OPCML: variants seen among roughly 807,000 people sequenced by gnomAD.
OPCML encodes opioid-binding protein/cell adhesion molecule.
In OPCML, 13 loss-of-function variants were observed where a neutral mutation model predicts 37.8. The ratio of observed to expected loss-of-function variants is 0.34; its 90% confidence interval spans 0.22 to 0.55. The LOEUF is 0.55. Among genes scored for constraint, OPCML ranks in the 20% least tolerant of loss-of-function variants. OPCML has a pLI of 0.91. For missense variants in OPCML, 341 were observed against 435.6 expected (o/e 0.78, Z 1.93); for synonymous variants, 176 against 168.8 (o/e 1.04, Z -0.33).
chr11:132,530,238 C>T (rs150470093), intron 3 of OPCML, among the ~76,000 whole-genome samples: 2 of 152,138 alleles, frequency 1.3e-5, no homozygotes, highest in African/African-American at 4.8e-5. Context: ...GCCCATGTAC[C>T]CACAGCACTA....
chr11:133,133,501 C>T (rs1409294535), intron 1 of OPCML, among the ~76,000 whole-genome samples: 2 of 152,164 alleles, frequency 1.3e-5, no homozygotes, highest in Non-Finnish European at 2.9e-5. Context: ...CCTCTCCTTG[C>T]CCCCTGGGCA....
At chr11:132,855,863 C>T (rs1322609730) in intron 2 of OPCML, among the ~76,000 whole-genome samples, 2 of 152,232 alleles carry the variant, frequency 1.3e-5, no homozygotes, top group Non-Finnish European at 2.9e-5. Flanking sequence ...TCTCCTCAGC[C>T]TCGACACCTG....
chr11:132,809,572 G>T (rs376450953), intron 2 of OPCML, among the ~76,000 whole-genome samples: 2 of 151,964 alleles, frequency 1.3e-5, no homozygotes, highest in African/African-American at 2.4e-5. Context: ...GTTCCCCAGG[G>T]TTAATAAAAG....
chr11:133,147,584 G>A (rs1949915645), intron 1 of OPCML, among the ~76,000 whole-genome samples: 1 of 152,142 alleles, frequency 6.6e-6, no homozygotes, highest in African/African-American at 2.4e-5. Flanking sequence ...TGGGATCGAT[G>A]TTTTGGGAAT....
intron 2 of OPCML, among the ~76,000 whole-genome samples, chr11:132,723,195 A>C (rs1466170714): frequency 2.0e-5 from 3 of 152,252 alleles, no homozygotes; most frequent in African/African-American, 4.8e-5. Context: ...TTTCATATAA[A>C]AAACAACCAT....
chr11:133,120,394 C>A (rs1255353549), intron 1 of OPCML, among the ~76,000 whole-genome samples: 3 of 152,178 alleles, frequency 2.0e-5, no homozygotes, highest in Non-Finnish European at 2.9e-5. Flanking sequence ...AGCAGCATTG[C>A]CCTCATGGAG....
intron 2 of OPCML, among the ~76,000 whole-genome samples, chr11:132,917,870 C>G (rs919208998): frequency 6.6e-6 from 1 of 152,132 alleles, no homozygotes; most frequent in Non-Finnish European, 1.5e-5. Flanking sequence ...TACTTCTGCC[C>G]TGAAATGAAA....
At chr11:132,627,097 G>A (rs1004475844) in intron 3 of OPCML, among the ~76,000 whole-genome samples, 1 of 151,920 alleles carries the variant, frequency 6.6e-6, no homozygotes, top group African/African-American at 2.4e-5. Context: ...AGTAGCAAAC[G>A]AGAGGGAAAT....
chr11:133,390,719 T>G (rs1013156053), intron 1 of OPCML, among the ~76,000 whole-genome samples: 14 of 152,154 alleles, frequency 9.2e-5, no homozygotes, highest in African/African-American at 3.4e-4. Context: ...AGGAAGTCAC[T>G]CTAACAACTC....
intron 1 of OPCML, among the ~76,000 whole-genome samples, chr11:133,309,257 T>C (rs758822558): frequency 2.2e-4 from 34 of 152,306 alleles, no homozygotes; most frequent in Middle Eastern, 3.4e-3. Flanking sequence ...ACATCACCAG[T>C]GAGGAACACA....
At chr11:132,906,191 C>T (rs915745487) in intron 2 of OPCML, among the ~76,000 whole-genome samples, 51 of 152,192 alleles carry the variant, frequency 3.4e-4, no homozygotes, top group Non-Finnish European at 6.5e-4. Flanking sequence ...AAACATGACT[C>T]ATCGTAGAAA....
At chr11:133,044,864 C>G (rs893060497) in intron 1 of OPCML, among the ~76,000 whole-genome samples, 1 of 152,086 alleles carries the variant, frequency 6.6e-6, no homozygotes, top group African/African-American at 2.4e-5. Flanking sequence ...ATTCATGAAA[C>G]CCTGGTCAAA....
chr11:132,835,723 G>A (rs1940965702), intron 2 of OPCML, among the ~76,000 whole-genome samples: 1 of 152,114 alleles, frequency 6.6e-6, no homozygotes. Context: ...GCTTTTGATG[G>A]CCACATACAA....
rs923310066 is a variant in OPCML, at chr11:132,968,449, C to G, written c.62-25439G>C. Among the ~76,000 whole-genome samples, 4 of 152,186 alleles carry G rather than the reference C, an allele frequency of 2.6e-5. No homozygotes were observed. In the East Asian group the frequency reaches 7.7e-4, roughly 29 times the overall value. On this transcript the variant is annotated intron_variant, in intron 1 of 7. Transcript: ENST00000524381. ...CCTGAGCATGCTCGCTTGGATCTCT[C>G]TTCCTCCTTGAAATTCTCAGCTTCA... is the stretch of plus-strand genomic sequence containing the variant.
chr11:132,875,574 C>T (rs1367261557), intron 2 of OPCML, among the ~76,000 whole-genome samples: 1 of 151,752 alleles, frequency 6.6e-6, no homozygotes, highest in Non-Finnish European at 1.5e-5. Flanking sequence ...AAGCAATTCT[C>T]CTGCCTCAGC....
At chr11:132,803,326 T>C (rs986045879) in intron 2 of OPCML, among the ~76,000 whole-genome samples, 9 of 152,222 alleles carry the variant, frequency 5.9e-5, no homozygotes, top group Admixed American at 4.6e-4. Flanking sequence ...TTCTAGCATA[T>C]ATTATTCCAC....
At chr11:133,115,444 C>T (rs1021782935) in intron 1 of OPCML, among the ~76,000 whole-genome samples, 4 of 152,128 alleles carry the variant, frequency 2.6e-5, no homozygotes, top group East Asian at 1.9e-4. Context: ...AGAATTTCTA[C>T]GGAAGCCACC....
chr11:132,515,206 TTTC>T (rs934973206), intron 4 of OPCML, among the ~76,000 whole-genome samples: 10 of 152,088 alleles, frequency 6.6e-5, no homozygotes, highest in Non-Finnish European at 1.5e-4. Context: ...ACCAAACTAT[TTTC>T]AGCACCCCAG....
intron 4 of OPCML, among the ~76,000 whole-genome samples, chr11:132,490,133 C>T (rs142368150): frequency 1.4e-3 from 214 of 151,776 alleles, no homozygotes; most frequent in Middle Eastern, 0.01. Flanking sequence ...CTATTGTGAA[C>T]ATTGTCTGTG....
Sources: allele counts gnomAD v4.1 joint callset (sites outside exome capture counted in the v4.1 genomes callset), GRCh38; gene constraint gnomAD v4.1.1; transcripts MANE v1.5; gene names NCBI Gene and HGNC (gene_info 2026-07-23, HGNC 2026-07-21).